The following PIP5K1B variants were observed in gnomAD, a reference collection of about 807,000 sequenced individuals.
PIP5K1B encodes phosphatidylinositol 4-phosphate 5-kinase type-1 beta.
A neutral mutation model predicts 67.0 loss-of-function variants in PIP5K1B; 42 were observed. The ratio of observed to expected loss-of-function variants is 0.63; its 90% CI spans 0.49 to 0.81. The LOEUF (loss-of-function observed/expected upper bound fraction) is 0.81, where lower values mean the gene tolerates loss of function less well. PIP5K1B is among the 30% of genes least tolerant of loss of function. PIP5K1B has a pLI of 0.00. For missense variants in PIP5K1B, 459 were observed against 646.3 expected (o/e 0.71, Z 3.14); for synonymous variants, 214 against 231.4 (o/e 0.92, Z 0.68).
At chr9:68,714,162 T>A (rs749033069) in intron 1 of PIP5K1B, among the ~76,000 whole-genome samples, 4 of 152,234 alleles carry the variant, frequency 2.6e-5, no homozygotes, top group Non-Finnish European at 5.9e-5. Flanking sequence ...TTTGCATAAT[T>A]GACATTGCGC....
chr9:68,961,035 C>T (rs1272122006), intron 14 of PIP5K1B, among the ~76,000 whole-genome samples: 4 of 151,736 alleles, frequency 2.6e-5, no homozygotes, highest in Admixed American at 6.6e-5. Flanking sequence ...AAGGTGAAAC[C>T]CCGTCTCTAC....
intron 2 of PIP5K1B, among the ~76,000 whole-genome samples, chr9:68,771,913 T>C (rs1403480539): frequency 6.6e-6 from 1 of 152,214 alleles, no homozygotes; most frequent in African/African-American, 2.4e-5. Context: ...TACAGTTGTA[T>C]TTAGTTTATA....
chr9:68,839,918 A>C (rs1448528553), intron 4 of PIP5K1B, among the ~76,000 whole-genome samples: 3 of 152,150 alleles, frequency 2.0e-5, no homozygotes, highest in Non-Finnish European at 4.4e-5. Flanking sequence ...TCACCCATTC[A>C]TTTATTCAAC....
Position 68,758,506 on chromosome 9 carries a change from G to A in PIP5K1B, c.-86+15849G>A, listed in dbSNP as rs534190025. Among the ~76,000 whole-genome samples the A allele has an allele frequency of 1.6e-3, 250 of 152,232 alleles. 1 individual carries two copies. Among genetic ancestry groups the A allele is most frequent in the Non-Finnish European group, 3.1e-3 (210 of 67,978 alleles). Reference sequence around the variant, plus strand: ...TAAGTAGGCTCAATAACTGAACAGAGGTGAAAGAGAGGAAAGTCAGTGAAT... The same window carrying A: ...TAAGTAGGCTCAATAACTGAACAGAAGTGAAAGAGAGGAAAGTCAGTGAAT... On this transcript the variant is annotated intron_variant, in intron 2 of 15. Transcript: ENST00000265382.
At chr9:68,809,207 T>A (rs1833029401) in intron 2 of PIP5K1B, among the ~76,000 whole-genome samples, 1 of 152,238 alleles carries the variant, frequency 6.6e-6, no homozygotes, top group Admixed American at 6.5e-5. Flanking sequence ...TGTTTCAGTT[T>A]GGTGTTTTTT....
At chr9:68,845,733 G>C (rs564105128) in intron 4 of PIP5K1B, among the ~76,000 whole-genome samples, 68 of 152,230 alleles carry the variant, frequency 4.5e-4, no homozygotes, top group African/African-American at 1.6e-3. Context: ...GTGTAGGGGG[G>C]AAAATAGCAT....
chr9:68,844,700 A>G (rs954707786), intron 4 of PIP5K1B, among the ~76,000 whole-genome samples: 8 of 152,214 alleles, frequency 5.3e-5, no homozygotes, highest in African/African-American at 1.9e-4. Context: ...AAACAATTTA[A>G]TAACGCTCTC....
chr9:68,913,222 G>T (rs1054065628), intron 8 of PIP5K1B, among the ~76,000 whole-genome samples: 1 of 152,154 alleles, frequency 6.6e-6, no homozygotes, highest in Non-Finnish European at 1.5e-5. Flanking sequence ...TACAAGTAGG[G>T]AAGTAAAGTC....
chr9:68,766,959 A>G (rs1830457087), intron 2 of PIP5K1B, among the ~76,000 whole-genome samples: 1 of 152,210 alleles, frequency 6.6e-6, no homozygotes, highest in Non-Finnish European at 1.5e-5. Context: ...TGCTTTCTAA[A>G]TTCAAAGTGC....
At chr9:68,848,135 G>C (rs1272142642) in intron 4 of PIP5K1B, among the ~76,000 whole-genome samples, 1 of 152,132 alleles carries the variant, frequency 6.6e-6, no homozygotes, top group Non-Finnish European at 1.5e-5. Context: ...TTTGTACAAG[G>C]CTTGGACTAC....
chr9:68,858,776 T>G (rs1012057438), intron 4 of PIP5K1B, among the ~76,000 whole-genome samples: 3 of 152,244 alleles, frequency 2.0e-5, no homozygotes, highest in South Asian at 2.1e-4. Flanking sequence ...AAAATGCTGT[T>G]GACATGAAAT....
At chr9:68,756,557 G>A (rs1410945724) in intron 2 of PIP5K1B, among the ~76,000 whole-genome samples, 2 of 152,168 alleles carry the variant, frequency 1.3e-5, no homozygotes, top group African/African-American at 4.8e-5. Flanking sequence ...AAAATAAAGA[G>A]AATTAGAAAA....
At chr9:68,707,474 G>C (rs7867941) in intron 1 of PIP5K1B, 80,739 of 151,876 alleles carry the variant, frequency 0.53, 21,773 homozygotes, top group East Asian at 0.66. Flanking sequence ...TAGAATCACA[G>C]TTAGGTTTTC....
intron 5 of PIP5K1B, among the ~76,000 whole-genome samples, chr9:68,874,903 C>G (rs1281060238): frequency 6.6e-6 from 1 of 152,132 alleles, no homozygotes; most frequent in Non-Finnish European, 1.5e-5. Flanking sequence ...CTTTGAGCCT[C>G]TTTGCTTTTA....
chr9:69,001,020 G>A (rs1830801385), intron 15 of PIP5K1B, among the ~76,000 whole-genome samples: 1 of 151,848 alleles, frequency 6.6e-6, no homozygotes. Flanking sequence ...GCCTCAGTCT[G>A]CTGAGTAGCT....
rs1279562147 is a variant in PIP5K1B at position 69,008,407 on chromosome 9, C to G, written c.1621-40C>G. 3.1e-6 allele frequency: 5 copies of G among 1,609,736 alleles called. No individual in the cohort carries two copies. In the Admixed American group the frequency reaches 5.0e-5, roughly 16 times the overall value. Reference sequence around the variant, plus strand: ...CATGGGGAGAGGTTACAAATTGATGCCAAAATCTAGTCTCACACCTGCTTT... The same window carrying G: ...CATGGGGAGAGGTTACAAATTGATGGCAAAATCTAGTCTCACACCTGCTTT... On this transcript the variant is annotated intron_variant, in intron 15 of 15. Coordinates refer to ENST00000265382, the MANE Select transcript of PIP5K1B (RefSeq NM_003558.4).
At chr9:68,780,907 G>A (rs760686714) in intron 2 of PIP5K1B, 1 of 1,614,192 alleles carries the variant, frequency 6.2e-7, no homozygotes, top group South Asian at 1.1e-5. Context: ...GATGGAAACA[G>A]CAGCAGTGCC....
intron 8 of PIP5K1B, among the ~76,000 whole-genome samples, chr9:68,903,108 A>G (rs1176636559): frequency 6.6e-6 from 1 of 152,122 alleles, no homozygotes; most frequent in Non-Finnish European, 1.5e-5. Context: ...ATTATATTGT[A>G]ATTACTTGAT....
At chr9:68,805,044 T>C (rs1339585037) in intron 2 of PIP5K1B, among the ~76,000 whole-genome samples, 1 of 152,166 alleles carries the variant, frequency 6.6e-6, no homozygotes, top group African/African-American at 2.4e-5. Flanking sequence ...AGATGAAGCA[T>C]TGCATTCTTC....
Sources: allele counts gnomAD v4.1 joint callset (sites outside exome capture counted in the v4.1 genomes callset), GRCh38; gene constraint gnomAD v4.1.1; transcripts MANE v1.5; gene names NCBI Gene and HGNC (gene_info 2026-07-23, HGNC 2026-07-21).